DDIT4L: variants seen among roughly 807,000 people sequenced by gnomAD.
DDIT4L encodes DNA damage-inducible transcript 4-like protein.
Under a neutral mutation model 15.9 loss-of-function variants are expected in DDIT4L, and 13 were observed. The ratio of observed to expected loss-of-function variants is 0.82; its 90% CI spans 0.53 to 1.30. The LOEUF is 1.30. DDIT4L is among the 50% of genes most tolerant of loss of function. The pLI is 0.00. For synonymous variants in DDIT4L, 82 were observed against 85.4 expected (o/e 0.96, Z 0.22); for missense variants, 235 against 224.8 (o/e 1.05, Z -0.29).
chr4:100,189,812 G>A lies in DDIT4L; in HGVS notation c.91+81C>T, dbSNP rs1002317270. ...CACCTCCTACATAGAGGTAGGGGAG[G>A]AAGTCGAAAGCCCGCCCACCCAATA... On this transcript the variant is annotated intron_variant, in intron 2 of 2. Transcript: ENST00000273990. The A allele has an allele frequency of 7.5e-6, 10 of 1,327,122 alleles. No individual in the cohort carries two copies. In the Admixed American group the frequency reaches 1.6e-4, roughly 22 times the overall value. 82.2% of individuals were successfully genotyped at this position (1,327,122 alleles called of 1,614,324 possible).
chr4:100,188,307 C>T, intron 2 of DDIT4L, 140 bp from the exon 3 acceptor site: 3 of 848,886 alleles, frequency 3.5e-6, no homozygotes, highest in Non-Finnish European at 5.3e-6. Flanking sequence ...CAGCTGACCT[C>T]AATTAACTGT....
At position 100,187,730 on chromosome 4, in the gene DDIT4L, C is replaced by A. The variant is rs1723443721; in HGVS notation, c.529G>T (p.Val177Phe). The change falls in exon 3 of 3, where the codon GTT (valine) becomes TTT (phenylalanine). Residue 177 changes from valine (V) to phenylalanine (F), a missense_variant. Val to Phe is a conservative substitution (Grantham distance 50). Transcript: ENST00000273990. ...TLILSSGFRL[V>F]KKKLYSLIGT... ...ATCAGTGAGTAAAGTTTTTTCTTAA[C>A]AAGTCGAAATCCTGAGCTGAGGATC... The A allele has an allele frequency of 6.2e-7, 1 of 1,609,416 alleles. No individual in the cohort carries two copies. The highest frequency in any genetic ancestry group is 8.5e-7 in the Non-Finnish European group (1 of 1,178,968).
intron 2 of DDIT4L, 84 bp from the exon 3 acceptor site, chr4:100,188,251 AC>A: frequency 7.4e-7 from 1 of 1,346,834 alleles, no homozygotes; most frequent in Non-Finnish European, 1.0e-6. Flanking sequence ...AACATTGGTT[AC>A]CTCTATCTAC....
intron 1 of DDIT4L, 70 bp downstream of exon 1, chr4:100,190,233 T>C (rs1345661260): frequency 8.1e-6 from 4 of 496,022 alleles, no homozygotes; most frequent in Non-Finnish European, 1.4e-5. Flanking sequence ...TTCGCAAAAC[T>C]TGGAAGCGAC....
rs765264534 is a variant in DDIT4L, at chr4:100,188,069, A to C, written c.190T>G (p.Cys64Gly). The change falls in exon 3 of 3, where the codon TGT becomes GGT. Residue 64 changes from cysteine to glycine, a missense_variant. By Grantham distance (159) the Cys-to-Gly change is radical. Transcript: ENST00000273990. ...TTAGTTTGCTTTGATTTGGACAGAC[A>C]GTTCTCCAGCATTTTAACCAAATTC... Reference protein sequence around the residue: ...CQNLVKMLENCLSKSKQTKLG... With the variant: ...CQNLVKMLENGLSKSKQTKLG... 1 of 1,614,166 alleles carries C rather than the reference A, an allele frequency of 6.2e-7. No individual in the cohort carries two copies. The highest frequency in any genetic ancestry group is 1.3e-5 in the African/African-American group (1 of 75,064).
intron 2 of DDIT4L, among the ~76,000 whole-genome samples, chr4:100,188,912 G>C (rs1663743773): frequency 6.6e-6 from 1 of 152,248 alleles, no homozygotes; most frequent in East Asian, 1.9e-4. Flanking sequence ...AAATTAGCTG[G>C]GCTCAAAGGA....
In DDIT4L at chr4:100,187,682, AC is replaced by A; in HGVS notation, c.576del (p.Ser193ProfsTer12). On this transcript the variant is annotated frameshift_variant, in exon 3 of 3. Coordinates refer to ENST00000273990, the MANE Select transcript of DDIT4L (RefSeq NM_145244.4). LOFTEE classifies it high-confidence loss of function. ...TCTTTATATATTTTCCCTTTTTAGG[AC>A]CCTTCAATCACTGTTGTTCCAATCA... ...YSLIGTTVIE[G>X]S The A allele has an allele frequency of 6.3e-7, 1 of 1,585,006 alleles. No homozygotes were observed.
Position 100,187,472 on chromosome 4 carries a change from C to G in DDIT4L, c.*205G>C. On this transcript the variant is annotated 3_prime_UTR_variant, in exon 3 of 3. Coordinates refer to ENST00000273990, the MANE Select transcript of DDIT4L (RefSeq NM_145244.4). ...CAAAAATGGGATCTATGCAGAAAAT[C>G]TACACTATTTTGAATCACTTCTCCA... 5.6e-6 allele frequency: 3 copies of G among 531,010 alleles called. 1 individual carries two copies. In the South Asian group the frequency reaches 9.0e-5, roughly 16 times the overall value. The allele number at this position is 531,010 out of a possible 1,614,324, so 32.9% of individuals were successfully genotyped here.
rs777634074 is a variant in DDIT4L, at chr4:100,187,664, AT to A, written c.*12del. On this transcript the variant is annotated 3_prime_UTR_variant, in exon 3 of 3. Transcript: ENST00000273990. ...TACCCAATCATGAAATAATCTTTATATATTTTCCCTTTTTAGGACCCTTCAA... is the reference window on the plus strand; with the variant it reads ...TACCCAATCATGAAATAATCTTTATAATTTTCCCTTTTTAGGACCCTTCAA... 1.9e-6 allele frequency: 3 copies of A among 1,575,430 alleles called. No individual in the cohort carries two copies. In the South Asian group the frequency reaches 3.6e-5, roughly 19 times the overall value.
Position 100,190,006 on chromosome 4 carries a change from G to A in DDIT4L, c.-23C>T, listed in dbSNP as rs377186203. On this transcript the variant is annotated 5_prime_UTR_variant, in exon 2 of 3. Transcript: ENST00000273990. The stretch of plus-strand genomic sequence containing the variant: ...CATGGTCAACGGCTCTGTTTCCTTC[G>A]CGAGGCGCAACGGCCTTTCCTGAGC... The A allele has an allele frequency of 1.4e-4, 218 of 1,610,824 alleles. No homozygotes were observed. The highest frequency in any genetic ancestry group is 1.8e-4 in the Non-Finnish European group (208 of 1,177,396).
intron 2 of DDIT4L, 36 bp from the exon 3 acceptor site, chr4:100,188,203 G>GA: frequency 6.4e-7 from 1 of 1,561,812 alleles, no homozygotes; most frequent in Non-Finnish European, 8.6e-7. Context: ...AGATACAGAA[G>GA]AAAAAATTTA....
chr4:100,187,992 A>C lies in DDIT4L; in HGVS notation c.267T>G (p.Ala89=). Residue 89 remains alanine, a synonymous_variant, in exon 3 of 3, where the codon GCT becomes GCG. Transcript: ENST00000273990. ...TTGAGGAAAGCCGCAGGACATCTTG[A>C]GCAATTCTCTGGGTCAGTTTCTCAG... ...LVPEKLTQRI[A]QDVLRLSSTE... 6.2e-7 allele frequency: 1 copy of C among 1,614,180 alleles called. No homozygotes were observed. Among genetic ancestry groups the C allele is most frequent in the African/African-American group, 1.3e-5 (1 of 75,040 alleles).
In DDIT4L at chr4:100,187,193, T is replaced by C. The variant is rs1723432494; in HGVS notation, c.*484A>G. The stretch of plus-strand genomic sequence containing the variant: ...TCCTACCCTCCTGTCTAAAAACCCT[T>C]CAAATTTGAGTCAGGAACTGGTGGT... On this transcript the variant is annotated 3_prime_UTR_variant, in exon 3 of 3. Coordinates refer to ENST00000273990, the MANE Select transcript of DDIT4L (RefSeq NM_145244.4). 6.6e-6 allele frequency: 1 copy of C among 152,518 alleles called. No individual in the cohort carries two copies. Among genetic ancestry groups the C allele is most frequent in the Non-Finnish European group, 1.5e-5 (1 of 68,302 alleles). The allele number at this position is 152,518 out of a possible 1,614,324, so 9.4% of individuals were successfully genotyped here.
chr4:100,189,624 C>T (rs1723481117), intron 2 of DDIT4L, among the ~76,000 whole-genome samples: 2 of 152,200 alleles, frequency 1.3e-5, no homozygotes. Context: ...TAACTGTGTT[C>T]TTCACAATCA....
intron 2 of DDIT4L, among the ~76,000 whole-genome samples, chr4:100,189,103 G>A (rs1723470216): frequency 6.6e-6 from 1 of 152,212 alleles, no homozygotes; most frequent in South Asian, 2.1e-4. Flanking sequence ...TGTAAGTTTG[G>A]AGTTCTGGCC....
chr4:100,190,263 C>A (rs1374176351), intron 1 of DDIT4L, 40 bp downstream of exon 1: 2 of 435,566 alleles, frequency 4.6e-6, no homozygotes, highest in Non-Finnish European at 8.3e-6. Flanking sequence ...GGAGCGCCCC[C>A]CGGCCCCGCT....
intron 1 of DDIT4L, 103 bp from the exon 2 acceptor site, chr4:100,190,135 T>C (rs980766677): frequency 1.5e-6 from 1 of 675,454 alleles, no homozygotes; most frequent in Non-Finnish European, 2.5e-6. Context: ...GCGGAGGAAC[T>C]CCTTTGCCAA....
At chr4:100,188,188 T>A in intron 2 of DDIT4L, 21 bp from the exon 3 acceptor site, 4 of 1,574,366 alleles carry the variant, frequency 2.5e-6, no homozygotes, top group Non-Finnish European at 3.4e-6. Flanking sequence ...TGGAGTTTTC[T>A]TTTTAGATAC....
chr4:100,187,821 T>C lies in DDIT4L; in HGVS notation c.438A>G (p.Ser146=), dbSNP rs140082687. The C allele has an allele frequency of 0.015, 24,266 of 1,613,866 alleles. 257 individuals are homozygous for C. The highest frequency in any genetic ancestry group is 0.018 in the Non-Finnish European group (21,752 of 1,179,978). The change falls in exon 3 of 3, where the codon TCA becomes TCG. Residue 146 remains serine (S), a synonymous_variant. Transcript: ENST00000273990. ...LTLVFKQENC[S]WTSFRDFFFS... ...AGAAAAAGTCCCTGAAGCTAGTCCATGAGCAGTTCTCCTGCTTAAACACAA... is the reference window on the plus strand; with the variant it reads ...AGAAAAAGTCCCTGAAGCTAGTCCACGAGCAGTTCTCCTGCTTAAACACAA...
Sources: allele counts gnomAD v4.1 joint callset (sites outside exome capture counted in the v4.1 genomes callset), GRCh38; gene constraint gnomAD v4.1.1; transcripts MANE v1.5; gene names NCBI Gene and HGNC (gene_info 2026-07-23, HGNC 2026-07-21).